The following RGR variants were observed in gnomAD, a reference collection of about 807,000 sequenced individuals.
The protein encoded by RGR is retinal G protein coupled receptor, also known as RPE-retinal G protein-coupled receptor.
In RGR, 30 loss-of-function variants were observed where a neutral mutation model predicts 28.6. That is an observed-to-expected ratio of 1.05 (90% confidence interval 0.78 to 1.42). The LOEUF (loss-of-function observed/expected upper bound fraction) is 1.42, where lower values mean the gene tolerates loss of function less well. Ranked by LOEUF, RGR falls within the 40% of genes most tolerant of loss-of-function variation. RGR has a pLI of 0.00. For missense variants in RGR, 404 were observed against 375.6 expected, an observed-to-expected ratio of 1.08 and a Z score of -0.62; for synonymous variants, 180 against 156.4, an observed-to-expected ratio of 1.15 and a Z score of -1.13.
chr10:84,258,454 G>C (rs1045433896), intron 6 of RGR, 54 bp from the exon 7 acceptor site: 4 of 1,613,732 alleles, frequency 2.5e-6, no homozygotes, highest in South Asian at 1.1e-5. Context: ...GGTGAGACCA[G>C]AGAGAGGATC....
rs61441525 is a variant in RGR, at chr10:84,256,059, CTTTTTTTTTTTT to C, written c.630+1634_630+1645del. ...TCTTTGTTTCTTTTTTTTTTCCTTT[CTTTTTTTTTTTT>C]TTTTTTTTTTTTTTTTTGAGACAAG... On this transcript the variant is annotated intron_variant, in intron 5 of 6. Coordinates refer to ENST00000652092, the MANE Select transcript of RGR (RefSeq NM_001012720.2). Among the ~76,000 whole-genome samples, 287 of 54,342 alleles carry C rather than the reference CTTTTTTTTTTTT, an allele frequency of 5.3e-3. 1 individual carries two copies. Among genetic ancestry groups the C allele is most frequent in the Non-Finnish European group, 7.3e-3 (237 of 32,352 alleles). 35.7% of individuals were successfully genotyped at this position (54,342 alleles called of 152,430 possible).
chr10:84,245,927 T>C (rs1316851917), intron 1 of RGR, among the ~76,000 whole-genome samples: 4 of 152,170 alleles, frequency 2.6e-5, no homozygotes, highest in Non-Finnish European at 5.9e-5. Flanking sequence ...CAGCTTTGGT[T>C]CAAAGCAGAC....
intron 3 of RGR, among the ~76,000 whole-genome samples, chr10:84,251,521 A>G (rs1842818274): frequency 6.6e-6 from 1 of 152,212 alleles, no homozygotes; most frequent in Admixed American, 6.5e-5. Flanking sequence ...TCACATTAAA[A>G]GAGAGAGATT....
chr10:84,249,519 G>T (rs1016385103), intron 3 of RGR, among the ~76,000 whole-genome samples: 3 of 152,174 alleles, frequency 2.0e-5, no homozygotes, highest in Admixed American at 1.3e-4. Flanking sequence ...CACCATATTG[G>T]CTAGGCTGGT....
chr10:84,248,968 G>A lies in RGR; in HGVS notation c.283G>A (p.Gly95Ser). The A allele has an allele frequency of 6.2e-7, 1 of 1,614,148 alleles. No individual in the cohort carries two copies. Among genetic ancestry groups the A allele is most frequent in the Non-Finnish European group, 8.5e-7 (1 of 1,180,010 alleles). The change falls in exon 3 of 7, where the codon GGC (glycine) becomes AGC (serine). Residue 95 changes from glycine to serine, a missense_variant. Coordinates refer to ENST00000652092, the MANE Select transcript of RGR (RefSeq NM_001012720.2). ...SDGCQAHGFQ[G>S]FVTALASICS... ...CGGCTGCCAGGCTCACGGCTTCCAG[G>A]GCTTTGTGACAGCGTTGGCCAGCAT...
rs767932210 is a variant in RGR, at chr10:84,247,642, C to A, written c.131C>A (p.Thr44Asn). The A allele has an allele frequency of 1.9e-6, 3 of 1,614,182 alleles. No homozygotes were observed. Among genetic ancestry groups the A allele is most frequent in the Non-Finnish European group, 2.5e-6 (3 of 1,180,040 alleles). Residue 44 changes from threonine (T) to asparagine (N), a missense_variant, in exon 2 of 7, where the codon ACC (threonine) becomes AAC (asparagine). Transcript: ENST00000652092. ...NTLTIFSFCKTPELRTPCHLL... is the reference protein window; with the variant it reads ...NTLTIFSFCKNPELRTPCHLL... Reference sequence around the variant, plus strand: ...CTGACCATCTTCTCTTTCTGCAAGACCCCGGAGCTGCGGACTCCCTGCCAC... The same window carrying A: ...CTGACCATCTTCTCTTTCTGCAAGAACCCGGAGCTGCGGACTCCCTGCCAC...
intron 5 of RGR, among the ~76,000 whole-genome samples, chr10:84,254,849 T>C (rs1842863724): frequency 6.6e-6 from 1 of 152,186 alleles, no homozygotes; most frequent in Admixed American, 6.5e-5. Flanking sequence ...AATAAGCTTA[T>C]TATCATACGG....
At chr10:84,252,011 A>T (rs1842824013) in intron 3 of RGR, among the ~76,000 whole-genome samples, 1 of 152,184 alleles carries the variant, frequency 6.6e-6, no homozygotes, top group African/African-American at 2.4e-5. Flanking sequence ...TATACAAAGG[A>T]GTATGACAAA....
chr10:84,256,039 G>GT (rs1842881093), intron 5 of RGR, among the ~76,000 whole-genome samples: 2 of 44,526 alleles, frequency 4.5e-5, no homozygotes, highest in African/African-American at 1.6e-4. Context: ...TTTTTTCTTT[G>GT]TTTCTTTTTT....
chr10:84,250,587 C>T, intron 3 of RGR: 2 of 659,230 alleles, frequency 3.0e-6, no homozygotes, highest in Non-Finnish European at 5.6e-6. Context: ...GCTTCTCTGC[C>T]TCAATATAGA....
At chr10:84,254,258 GT>G in intron 4 of RGR, 67 bp from the exon 5 acceptor site, 1 of 1,302,412 alleles carries the variant, frequency 7.7e-7, no homozygotes, top group Non-Finnish European at 1.1e-6. Context: ...GGCAGAGCTG[GT>G]GGGTCCTTGA....
intron 6 of RGR, 137 bp from the exon 7 acceptor site, chr10:84,258,371 T>G (rs1047142935): frequency 1.4e-6 from 2 of 1,402,916 alleles, no homozygotes; most frequent in Non-Finnish European, 2.0e-6. Context: ...CTCCACCAAC[T>G]AGTCAGGGAA....
intron 4 of RGR, among the ~76,000 whole-genome samples, chr10:84,254,007 T>C (rs145354594): frequency 2.0e-4 from 31 of 152,380 alleles, no homozygotes; most frequent in African/African-American, 7.2e-4. Flanking sequence ...GCTCCTTGAA[T>C]GTTCCTTTCT....
intron 2 of RGR, chr10:84,248,076 C>G: frequency 1.8e-6 from 1 of 545,566 alleles, no homozygotes; most frequent in Non-Finnish European, 3.0e-6. Context: ...ATATTATTTC[C>G]TAACTCATAT....
chr10:84,254,268 G>C, intron 4 of RGR, 58 bp from the exon 5 acceptor site: 1 of 1,455,304 alleles, frequency 6.9e-7, no homozygotes, highest in Non-Finnish European at 9.7e-7. Context: ...GTGGGTCCTT[G>C]AGGGCAGCTG....
chr10:84,250,910 T>TAAAAAAAAA (rs35107073), intron 3 of RGR: 1 of 105,846 alleles, frequency 9.4e-6, no homozygotes, highest in African/African-American at 3.3e-5. Flanking sequence ...TCCGCCTCAA[T>TAAAAAAAAA]AAAAAAAAAA....
intron 4 of RGR, among the ~76,000 whole-genome samples, chr10:84,253,979 A>T (rs1357659677): frequency 6.6e-6 from 1 of 152,134 alleles, no homozygotes; most frequent in Non-Finnish European, 1.5e-5. Flanking sequence ...CTCCTTTTAA[A>T]ACCTTTGGGC....
chr10:84,257,976 C>T lies in RGR; in HGVS notation c.714C>T (p.Asp238=), dbSNP rs772574741. Reference sequence around the variant, plus strand: ...TGTATCTATACGCAGTCATCGCAGACGTGACTTCCATCTCCCCCAAACTGC... The same window carrying T: ...TGTATCTATACGCAGTCATCGCAGATGTGACTTCCATCTCCCCCAAACTGC... ...AILYLYAVIA[D]VTSISPKLQM... The change falls in exon 6 of 7, where the codon GAC becomes GAT. Residue 238 remains aspartate, a synonymous_variant. Coordinates refer to ENST00000652092, the MANE Select transcript of RGR (RefSeq NM_001012720.2). The T allele has an allele frequency of 1.7e-5, 28 of 1,614,176 alleles. No homozygotes were observed. The highest frequency in any genetic ancestry group is 1.1e-5 in the Non-Finnish European group (13 of 1,180,026).
chr10:84,248,211 G>A (rs1842771847), intron 2 of RGR: 3 of 1,235,366 alleles, frequency 2.4e-6, no homozygotes, highest in Non-Finnish European at 3.1e-6. Flanking sequence ...GCACCCGTAT[G>A]TATCTGGGCT....
Sources: allele counts gnomAD v4.1 joint callset (sites outside exome capture counted in the v4.1 genomes callset), GRCh38; gene constraint gnomAD v4.1.1; transcripts MANE v1.5; gene names NCBI Gene and HGNC (gene_info 2026-07-23, HGNC 2026-07-21).